MS4A7: variants seen among roughly 807,000 people sequenced by gnomAD.
MS4A7 encodes the protein membrane-spanning 4-domains subfamily A member 7.
In MS4A7, 21 loss-of-function variants were observed where a neutral mutation model predicts 23.5. The ratio of observed to expected loss-of-function variants is 0.89; its 90% CI spans 0.63 to 1.29. The LOEUF (loss-of-function observed/expected upper bound fraction) is 1.29. Ranked by LOEUF, MS4A7 falls within the 50% of genes most tolerant of loss-of-function variation. MS4A7 has a pLI of 0.00. For missense variants in MS4A7, 263 were observed against 274.2 expected (o/e 0.96, Z 0.29); for synonymous variants, 111 against 107.4 (o/e 1.03, Z -0.21).
Position 60,386,786 on chromosome 11 carries a change from A to T in MS4A7, c.339+13A>T, listed in dbSNP as rs763699595. On this transcript the variant is annotated intron_variant, in intron 4 of 6. Coordinates refer to ENST00000300184, the MANE Select transcript of MS4A7 (RefSeq NM_021201.5). ...AACTAAGCCCTTTGTAAGTATAAGG[A>T]CCATCAAATCTCAGCTGGTTGGAAT... 8.8e-6 allele frequency: 14 copies of T among 1,597,418 alleles called. No homozygotes were observed. The highest frequency in any genetic ancestry group is 1.2e-5 in the Non-Finnish European group (14 of 1,167,514).
chr11:60,394,668 G>A lies in MS4A7; in HGVS notation c.*807G>A, dbSNP rs2085593385. ...ATACAAAAAATTAGCCAGGCATGGT[G>A]GTGCGCACCTGTAGTTCCAGCTACT... On this transcript the variant is annotated 3_prime_UTR_variant, in exon 7 of 7. Transcript: ENST00000300184. 5.5e-6 allele frequency: 1 copy of A among 180,554 alleles called. No individual in the cohort carries two copies. Among genetic ancestry groups the A allele is most frequent in the South Asian group, 1.9e-4 (1 of 5,234 alleles). The allele number at this position is 180,554 out of a possible 1,614,324, so 11.2% of individuals were successfully genotyped here.
At position 60,393,687 on chromosome 11, in the gene MS4A7, A is replaced by C. The variant is rs1261673639; in HGVS notation, c.649-100A>C. 2.0e-5 allele frequency: 15 copies of C among 744,582 alleles called. 2 individuals carry two copies. Among genetic ancestry groups the C allele is most frequent in the South Asian group, 1.7e-4 (8 of 48,372 alleles). The allele number at this position is 744,582 out of a possible 1,614,324, so 46.1% of individuals were successfully genotyped here. ...TACATATTATGGCAAAGTTGGAAGA[A>C]CTAGTACTACACAAAACTTGGGGAA... On this transcript the variant is annotated intron_variant, in intron 6 of 6. Coordinates refer to ENST00000300184, the MANE Select transcript of MS4A7 (RefSeq NM_021201.5).
At chr11:60,381,868 G>T (rs1344978517) in intron 1 of MS4A7, among the ~76,000 whole-genome samples, 3 of 152,106 alleles carry the variant, frequency 2.0e-5, no homozygotes, top group African/African-American at 7.2e-5. Context: ...GCAACTAGAT[G>T]CCTAGGCATT....
rs1298479385 is a variant in MS4A7, at chr11:60,385,125, T to G, written c.185T>G (p.Leu62Arg). Residue 62 changes from leucine to arginine, a missense_variant, in exon 3 of 7, where the codon CTG (leucine) becomes CGG (arginine). Leu to Arg is a moderately radical substitution (Grantham distance 102, BLOSUM62 -2). Coordinates refer to ENST00000300184, the MANE Select transcript of MS4A7 (RefSeq NM_021201.5). ...CTGTGTTGCCTGTTGATTTCAAGTC[T>G]GGGGGCCATCTTGGTTTTTGCTCCC... ...QILCCLLISS[L>R]GAILVFAPYP... 6.2e-7 allele frequency: 1 copy of G among 1,614,000 alleles called. No homozygotes were observed. The highest frequency in any genetic ancestry group is 1.1e-5 in the South Asian group (1 of 91,072).
chr11:60,381,139 A>T (rs2085424682), intron 1 of MS4A7, among the ~76,000 whole-genome samples: 1 of 152,212 alleles, frequency 6.6e-6, no homozygotes, highest in African/African-American at 2.4e-5. Context: ...TTTATCATGA[A>T]CTACTGTTTG....
At position 60,394,315 on chromosome 11, in the gene MS4A7, T is replaced by G. The variant is rs756325767; in HGVS notation, c.*454T>G. ...AAACTACTCTGCCCTGGACACTCTC[T>G]GAGAAACAGATCTACTGGGCCCTTT... On this transcript the variant is annotated 3_prime_UTR_variant, in exon 7 of 7. Coordinates refer to ENST00000300184, the MANE Select transcript of MS4A7 (RefSeq NM_021201.5). The G allele has an allele frequency of 6.5e-6, 1 of 152,720 alleles. No individual in the cohort carries two copies. Among genetic ancestry groups the G allele is most frequent in the Non-Finnish European group, 1.5e-5 (1 of 68,478 alleles). 9.5% of individuals were successfully genotyped at this position (152,720 alleles called of 1,614,324 possible).
chr11:60,389,304 G>A lies in MS4A7; in HGVS notation c.340-86G>A. On this transcript the variant is annotated intron_variant, in intron 4 of 6. Transcript: ENST00000300184. ...ACAGGAAGGAAACAGACCCAAGGAA[G>A]CACCATTGCAGTACAATGGACAGAG... The A allele has an allele frequency of 4.7e-6, 5 of 1,064,870 alleles. No individual in the cohort carries two copies. The Admixed American group carries it at 7.6e-5, about 16-fold the overall frequency. The allele number at this position is 1,064,870 out of a possible 1,614,324, so 66.0% of individuals were successfully genotyped here. A position where few individuals can be genotyped will look rare whatever the true frequency, so the allele number is the denominator to read the frequency against.
At chr11:60,386,889 C>A in intron 4 of MS4A7, 116 bp downstream of exon 4, 3 of 882,994 alleles carry the variant, frequency 3.4e-6, no homozygotes, top group Non-Finnish European at 5.0e-6. Flanking sequence ...TTAGAACAGG[C>A]TAGGAAGCCC....
Position 60,383,129 on chromosome 11 carries a change from C to A in MS4A7, c.-13C>A, listed in dbSNP as rs767613524. On this transcript the variant is annotated splice_region_variant and 5_prime_UTR_variant, in exon 2 of 7. Coordinates refer to ENST00000300184, the MANE Select transcript of MS4A7 (RefSeq NM_021201.5). ...AACTGAGTTTTGATGCCTCTTCCAG[C>A]ATCATCAGCATCATGCTATTACAAT... The A allele has an allele frequency of 1.2e-6, 2 of 1,611,052 alleles. No individual in the cohort carries two copies. Among genetic ancestry groups the A allele is most frequent in the African/African-American group, 1.3e-5 (1 of 74,836 alleles).
Position 60,395,200 on chromosome 11 carries a change from G to T in MS4A7, c.*1339G>T. The T allele has an allele frequency of 2.9e-6, 1 of 342,964 alleles. No individual in the cohort carries two copies. The allele number at this position is 342,964 out of a possible 1,614,324, so 21.2% of individuals were successfully genotyped here. On this transcript the variant is annotated 3_prime_UTR_variant, in exon 7 of 7. Coordinates refer to ENST00000300184, the MANE Select transcript of MS4A7 (RefSeq NM_021201.5). ...TGCAATTATCTTGTCTGTTCTTTGT[G>T]TAATATGTTCTGTGTGAGCCTCTGC...
At position 60,395,145 on chromosome 11, in the gene MS4A7, A is replaced by T. The variant is rs2085601112; in HGVS notation, c.*1284A>T. Reference sequence around the variant, plus strand: ...TCATCACCCCTGCACTTTGTACCACATGGGCGTATTCTTTCTTCCCAGTCA... The same window carrying T: ...TCATCACCCCTGCACTTTGTACCACTTGGGCGTATTCTTTCTTCCCAGTCA... On this transcript the variant is annotated 3_prime_UTR_variant, in exon 7 of 7. Transcript: ENST00000300184. The T allele has an allele frequency of 2.6e-6, 1 of 379,018 alleles. No individual in the cohort carries two copies. The highest frequency in any genetic ancestry group is 1.2e-4 in the South Asian group (1 of 8,002). 23.5% of individuals were successfully genotyped at this position (379,018 alleles called of 1,614,324 possible).
chr11:60,384,995 A>ATT (rs79791578), intron 2 of MS4A7, 93 bp from the exon 3 acceptor site: 13 of 1,198,500 alleles, frequency 1.1e-5, no homozygotes, highest in Non-Finnish European at 1.5e-5. Flanking sequence ...ATTATAATGT[A>ATT]TTTTATACTC....
chr11:60,391,791 T>G (rs905241731), intron 5 of MS4A7, among the ~76,000 whole-genome samples: 1 of 151,704 alleles, frequency 6.6e-6, no homozygotes, highest in South Asian at 2.1e-4. Context: ...GGGTGGTACA[T>G]GCCTGTAATC....
rs1350206647 is a variant in MS4A7 at position 60,393,991 on chromosome 11, A to G, written c.*130A>G. ...AAAAAAAAAAAAGCTTTTGTTTTGT[A>G]TTTGTTTACTATGAGTCGTTATTTA... On this transcript the variant is annotated 3_prime_UTR_variant, in exon 7 of 7. Transcript: ENST00000300184. 2 of 531,462 alleles carry G rather than the reference A, an allele frequency of 3.8e-6. No homozygotes were observed. The highest frequency in any genetic ancestry group is 3.9e-5 in the Admixed American group (1 of 25,818). 32.9% of individuals were successfully genotyped at this position (531,462 alleles called of 1,614,324 possible).
Position 60,395,739 on chromosome 11 carries a change from T to C in MS4A7, c.*1878T>C, listed in dbSNP as rs2085609973. The stretch of plus-strand genomic sequence containing the variant: ...ACTACTGATTTTTTTTTGTTTAATT[T>C]GAAAATGCAAAGAATTGTTAAATGT... On this transcript the variant is annotated 3_prime_UTR_variant, in exon 7 of 7. Coordinates refer to ENST00000300184, the MANE Select transcript of MS4A7 (RefSeq NM_021201.5). 6.6e-6 allele frequency: 1 copy of C among 152,150 alleles called. No homozygotes were observed. The highest frequency in any genetic ancestry group is 6.5e-5 in the Admixed American group (1 of 15,278). The allele number at this position is 152,150 out of a possible 1,614,324, so 9.4% of individuals were successfully genotyped here. A position where few individuals can be genotyped will look rare whatever the true frequency, so the allele number is the denominator to read the frequency against.
chr11:60,379,983 G>T (rs112959390), intron 1 of MS4A7, among the ~76,000 whole-genome samples: 3 of 151,998 alleles, frequency 2.0e-5, no homozygotes, highest in African/African-American at 7.3e-5. Flanking sequence ...CCCCTCTCCC[G>T]CCAGCCCCTG....
At chr11:60,390,312 G>A (rs2085537422) in intron 5 of MS4A7, among the ~76,000 whole-genome samples, 1 of 152,192 alleles carries the variant, frequency 6.6e-6, no homozygotes, top group Admixed American at 6.5e-5. Context: ...GTGGTGACAA[G>A]CCTTGCTTAT....
intron 1 of MS4A7, among the ~76,000 whole-genome samples, chr11:60,381,060 G>C (rs2085423835): frequency 6.6e-6 from 1 of 152,218 alleles, no homozygotes; most frequent in South Asian, 2.1e-4. Flanking sequence ...AAATGAGACT[G>C]TCACAAAGCT....
At position 60,394,625 on chromosome 11, in the gene MS4A7, AC is replaced by A. The variant is rs2085592700; in HGVS notation, c.*767del. 1 of 157,670 alleles carries A rather than the reference AC, an allele frequency of 6.3e-6. No homozygotes were observed. The highest frequency in any genetic ancestry group is 1.4e-5 in the Non-Finnish European group (1 of 72,134). 9.8% of individuals were successfully genotyped at this position (157,670 alleles called of 1,614,324 possible). On this transcript the variant is annotated 3_prime_UTR_variant, in exon 7 of 7. Transcript: ENST00000300184. ...AGACCAGCCTGGCCAACAAGGTGAA[AC>A]CCTGTCTCTACTAAAAATACAAAAA...
Sources: gnomAD v4.1 joint callset for allele counts (sites outside exome capture counted in the v4.1 genomes callset) on GRCh38, gnomAD v4.1.1 for gene constraint, MANE v1.5 for transcripts, NCBI Gene and HGNC (gene_info 2026-07-23, HGNC 2026-07-21) for gene names.